The following CPQ variants were observed in gnomAD, a reference collection of about 807,000 sequenced individuals.
CPQ encodes the protein Ser-Met dipeptidase.
A neutral mutation model predicts 45.7 loss-of-function variants in CPQ; 37 were observed. The ratio of observed to expected loss-of-function variants is 0.81; its 90% CI spans 0.62 to 1.07. The LOEUF is 1.07. CPQ is among the 50% of genes least tolerant of loss of function. The probability of loss-of-function intolerance (pLI) is 0.00; values close to 1 mark genes in which losing one functional copy is unlikely to be tolerated. For synonymous variants in CPQ, 186 were observed against 205.8 expected (o/e 0.90, Z 0.82); for missense variants, 537 against 572.9 (o/e 0.94, Z 0.64).
chr8:97,099,115 CTTTTTTTTT>C (rs34830752), intron 7 of CPQ, among the ~76,000 whole-genome samples: 10 of 66,340 alleles, frequency 1.5e-4, no homozygotes, highest in East Asian at 5.0e-4. Flanking sequence ...CCTTCTCTCT[CTTTTTTTTT>C]TTTTTTTTTT....
chr8:96,812,680 G>T (rs961436835), intron 2 of CPQ, among the ~76,000 whole-genome samples: 1 of 151,994 alleles, frequency 6.6e-6, no homozygotes, highest in Non-Finnish European at 1.5e-5. Context: ...AACAGGGATA[G>T]GGCCTTCACG....
At chr8:96,801,401 T>C (rs1300624268) in intron 2 of CPQ, among the ~76,000 whole-genome samples, 1 of 152,236 alleles carries the variant, frequency 6.6e-6, no homozygotes, top group Non-Finnish European at 1.5e-5. Flanking sequence ...TTTCAATGCT[T>C]ATCCAGTTCC....
chr8:96,816,324 T>C (rs1811228497), intron 2 of CPQ, among the ~76,000 whole-genome samples: 1 of 152,178 alleles, frequency 6.6e-6, no homozygotes, highest in South Asian at 2.1e-4. Flanking sequence ...CCTCATCTGT[T>C]AAAGCTTTAT....
intron 1 of CPQ, among the ~76,000 whole-genome samples, chr8:96,690,840 A>G (rs1422633165): frequency 1.3e-5 from 2 of 151,600 alleles, no homozygotes; most frequent in Non-Finnish European, 2.9e-5. Context: ...GGGCCACATT[A>G]TGGCTTCCTT....
At chr8:96,893,838 A>G (rs916098978) in intron 4 of CPQ, among the ~76,000 whole-genome samples, 1 of 152,238 alleles carries the variant, frequency 6.6e-6, no homozygotes, top group African/African-American at 2.4e-5. Flanking sequence ...GAGCAATTTT[A>G]GTAGTTTTAA....
At chr8:96,702,332 G>A (rs995478156) in intron 1 of CPQ, among the ~76,000 whole-genome samples, 2 of 152,064 alleles carry the variant, frequency 1.3e-5, no homozygotes, top group African/African-American at 2.4e-5. Context: ...TGGGCCTCCC[G>A]AAGGCCCGAG....
intron 1 of CPQ, among the ~76,000 whole-genome samples, chr8:96,697,161 A>T (rs1479448690): frequency 6.6e-6 from 1 of 152,228 alleles, no homozygotes; most frequent in African/African-American, 2.4e-5. Flanking sequence ...ATGATACACT[A>T]AAAAGATTCA....
chr8:96,713,146 T>A (rs191462015), intron 1 of CPQ, among the ~76,000 whole-genome samples: 46 of 152,316 alleles, frequency 3.0e-4, no homozygotes, highest in Non-Finnish European at 5.9e-5. Flanking sequence ...TATCAGCATT[T>A]TGGTCAAAGC....
intron 7 of CPQ, among the ~76,000 whole-genome samples, chr8:97,141,832 G>A (rs1256171686): frequency 2.0e-5 from 3 of 152,168 alleles, no homozygotes; most frequent in Non-Finnish European, 4.4e-5. Flanking sequence ...TCTTATATAT[G>A]TTTGAATGGA....
chr8:96,928,726 G>A (rs1478754822), intron 4 of CPQ, among the ~76,000 whole-genome samples: 1 of 152,180 alleles, frequency 6.6e-6, no homozygotes, highest in Non-Finnish European at 1.5e-5. Context: ...CCAGTGAAAA[G>A]CAAAGGCTTC....
At chr8:96,665,507 G>A (rs1234337359) in intron 1 of CPQ, among the ~76,000 whole-genome samples, 1 of 152,158 alleles carries the variant, frequency 6.6e-6, no homozygotes, top group African/African-American at 2.4e-5. Flanking sequence ...ACAGAAAGAG[G>A]GAAATCCCGA....
Position 96,938,765 on chromosome 8 carries a change from C to G in CPQ, c.850-27170C>G, listed in dbSNP as rs563203197. Among the ~76,000 whole-genome samples the G allele has an allele frequency of 2.6e-5, 4 of 152,216 alleles. No individual in the cohort carries two copies. In the South Asian group the frequency reaches 8.3e-4, roughly 32 times the overall value. ...ATTGATGTAGTCCATATAGGTCAGC[C>G]CCCTTAGCCAGAGAGCTGAGTGGAG... On this transcript the variant is annotated intron_variant, in intron 4 of 7. Transcript: ENST00000220763.
chr8:96,834,642 A>T (rs1301918274), intron 2 of CPQ, among the ~76,000 whole-genome samples: 1 of 152,220 alleles, frequency 6.6e-6, no homozygotes, highest in Non-Finnish European at 1.5e-5. Flanking sequence ...AATGATTAGC[A>T]TCATTCTTTG....
chr8:96,910,509 T>C (rs1586447940), intron 4 of CPQ, among the ~76,000 whole-genome samples: 1 of 152,240 alleles, frequency 6.6e-6, no homozygotes, highest in Non-Finnish European at 1.5e-5. Context: ...AATCTTTTTT[T>C]TCTCTCTCTC....
chr8:96,822,798 C>T (rs1020879667), intron 2 of CPQ, among the ~76,000 whole-genome samples: 2 of 151,952 alleles, frequency 1.3e-5, no homozygotes, highest in African/African-American at 4.8e-5. Context: ...TCTTCTTGTC[C>T]ATAGTTCGTT....
chr8:96,826,157 C>G (rs973830502), intron 2 of CPQ, among the ~76,000 whole-genome samples: 3 of 151,988 alleles, frequency 2.0e-5, no homozygotes, highest in African/African-American at 7.2e-5. Flanking sequence ...GTCATTTAGT[C>G]TACAGGTGTT....
chr8:96,860,682 G>T (rs1811915108), intron 3 of CPQ, among the ~76,000 whole-genome samples: 1 of 152,134 alleles, frequency 6.6e-6, no homozygotes, highest in Non-Finnish European at 1.5e-5. Flanking sequence ...TGGAATAGTT[G>T]CCTTGGTTCT....
At chr8:96,738,436 T>A (rs553940063) in intron 1 of CPQ, among the ~76,000 whole-genome samples, 1 of 151,830 alleles carries the variant, frequency 6.6e-6, no homozygotes, top group South Asian at 2.1e-4. Context: ...TATTCATTTT[T>A]ATTTTTTATT....
chr8:97,043,579 C>T (rs1291390018), intron 6 of CPQ, among the ~76,000 whole-genome samples: 2 of 152,114 alleles, frequency 1.3e-5, no homozygotes, highest in African/African-American at 2.4e-5. Context: ...TTCTTCCTAG[C>T]CTCGATGGTC....
Sources: gnomAD v4.1 joint callset for allele counts (sites outside exome capture counted in the v4.1 genomes callset) on GRCh38, gnomAD v4.1.1 for gene constraint, MANE v1.5 for transcripts, NCBI Gene and HGNC (gene_info 2026-07-23, HGNC 2026-07-21) for gene names.